Variants in STAG1 observed in about 807,000 individuals in gnomAD.
STAG1 encodes STAG1 cohesin complex component, also known as cohesin subunit SA-1.
A neutral mutation model predicts 170.9 loss-of-function variants in STAG1; 26 were observed. That is an observed-to-expected ratio of 0.15 (90% CI 0.11 to 0.21). The LOEUF is 0.21. Among genes scored for constraint, STAG1 ranks in the 10% least tolerant of loss-of-function variants. STAG1 has a pLI of 1.00. For missense variants in STAG1, 964 were observed against 1,509.5 expected (o/e 0.64, Z 5.99); for synonymous variants, 514 against 497.7 (o/e 1.03, Z -0.44).
chr3:136,527,205 T>C (rs901459441), intron 6 of STAG1, among the ~76,000 whole-genome samples: 2 of 152,228 alleles, frequency 1.3e-5, no homozygotes, highest in African/African-American at 4.8e-5. Flanking sequence ...CTTGTTTCCA[T>C]TCTCCCTGTC....
chr3:136,391,813 T>C (rs1468331708), intron 22 of STAG1, among the ~76,000 whole-genome samples: 1 of 152,242 alleles, frequency 6.6e-6, no homozygotes, highest in East Asian at 1.9e-4. Context: ...TAGGGGGCAC[T>C]GGAGCAAAGT....
intron 5 of STAG1, among the ~76,000 whole-genome samples, chr3:136,543,452 A>G (rs1041381745): frequency 4.6e-5 from 7 of 152,170 alleles, no homozygotes; most frequent in African/African-American, 1.7e-4. Context: ...AAGACGGAAT[A>G]TAAGGCTGGA....
At chr3:136,681,558 C>T (rs1475850049) in intron 1 of STAG1, among the ~76,000 whole-genome samples, 1 of 152,104 alleles carries the variant, frequency 6.6e-6, no homozygotes, top group Non-Finnish European at 1.5e-5. Context: ...ATAAAATGAA[C>T]ACAGCCACTG....
chr3:136,739,881 T>G (rs984938804), intron 1 of STAG1, among the ~76,000 whole-genome samples: 1 of 151,954 alleles, frequency 6.6e-6, no homozygotes, highest in Non-Finnish European at 1.5e-5. Context: ...ACATATATAT[T>G]ACACAGGATA....
chr3:136,473,076 A>T (rs2089665410), intron 11 of STAG1, among the ~76,000 whole-genome samples: 2 of 152,270 alleles, frequency 1.3e-5, no homozygotes, highest in South Asian at 2.1e-4. Flanking sequence ...GATTCTCAAT[A>T]GGAACAACAG....
chr3:136,604,473 A>G lies in STAG1; in HGVS notation c.133T>C (p.Ser45Pro). 1 of 1,590,298 alleles carries G rather than the reference A, an allele frequency of 6.3e-7. No homozygotes were observed. The change falls in exon 4 of 34, where the codon TCT becomes CCT. Residue 45 changes from serine to proline, a missense_variant and splice_region_variant. Ser to Pro is a moderately conservative substitution (Grantham distance 74, BLOSUM62 -1). This residue lies in a region of STAG1 where 108 missense variants were observed against 120.2 expected (regional missense o/e 0.90). Transcript: ENST00000383202. Reference protein sequence around the residue: ...RKRGRPGRPPSTNKKPRKSPG... With the variant: ...RKRGRPGRPPPTNKKPRKSPG... ...GATTTTCGAGGTTTCTTATTTGTAG[A>G]CTGAAAAAAAGATAAAAAAAGATTC... is the stretch of plus-strand genomic sequence containing the variant.
intron 6 of STAG1, among the ~76,000 whole-genome samples, chr3:136,531,246 A>C (rs1371707988): frequency 6.7e-6 from 1 of 150,076 alleles, no homozygotes; most frequent in Non-Finnish European, 1.5e-5. Context: ...CAATCATTAA[A>C]AAGTCAGGAA....
chr3:136,506,658 A>AG (rs1042072682), intron 7 of STAG1, among the ~76,000 whole-genome samples: 1 of 151,600 alleles, frequency 6.6e-6, no homozygotes, highest in African/African-American at 2.4e-5. Context: ...AAAAAAAAAA[A>AG]AAAAGAAAAG....
At chr3:136,701,231 G>A (rs1469707093) in intron 1 of STAG1, among the ~76,000 whole-genome samples, 1 of 151,976 alleles carries the variant, frequency 6.6e-6, no homozygotes, top group Non-Finnish European at 1.5e-5. Flanking sequence ...TTGATTTAGT[G>A]CATCTTCAGA....
intron 1 of STAG1, among the ~76,000 whole-genome samples, chr3:136,636,243 T>C (rs1161342470): frequency 2.0e-5 from 3 of 150,988 alleles, no homozygotes; most frequent in South Asian, 2.1e-4. Flanking sequence ...AAAGAAACTC[T>C]GTCTCAAAAA....
At chr3:136,511,384 A>G (rs1009953537) in intron 7 of STAG1, among the ~76,000 whole-genome samples, 1 of 152,240 alleles carries the variant, frequency 6.6e-6, no homozygotes, top group East Asian at 1.9e-4. Context: ...TGGTAAAGAC[A>G]TGGAATCAAC....
At chr3:136,472,514 A>G in intron 11 of STAG1, 22 bp from the exon 12 acceptor site, 1 of 1,560,274 alleles carries the variant, frequency 6.4e-7, no homozygotes, top group Non-Finnish European at 8.8e-7. Flanking sequence ...AAGTTGTAAA[A>G]CAAACCAACT....
chr3:136,591,290 G>A (rs1459798264), intron 4 of STAG1, among the ~76,000 whole-genome samples: 1 of 148,950 alleles, frequency 6.7e-6, no homozygotes, highest in East Asian at 1.9e-4. Flanking sequence ...AAGGCGGGAA[G>A]GTGGGAAGGC....
At chr3:136,713,304 C>G (rs2107920853) in intron 1 of STAG1, among the ~76,000 whole-genome samples, 1 of 152,106 alleles carries the variant, frequency 6.6e-6, no homozygotes, top group South Asian at 2.1e-4. Flanking sequence ...AGTGTGCAGC[C>G]AAGCATGGTG....
At chr3:136,583,153 T>C (rs1245037443) in intron 4 of STAG1, among the ~76,000 whole-genome samples, 6 of 152,194 alleles carry the variant, frequency 3.9e-5, no homozygotes, top group African/African-American at 1.4e-4. Context: ...ATTCATTTAA[T>C]ACACAATTTA....
chr3:136,723,407 G>A (rs1341154275), intron 1 of STAG1, among the ~76,000 whole-genome samples: 9 of 148,318 alleles, frequency 6.1e-5, no homozygotes, highest in Non-Finnish European at 1.2e-4. Context: ...GGTGAGGAGC[G>A]TCTCTGCCCA....
At chr3:136,657,017 AAAAG>A (rs1476123543) in intron 1 of STAG1, among the ~76,000 whole-genome samples, 1 of 151,920 alleles carries the variant, frequency 6.6e-6, no homozygotes, top group African/African-American at 2.4e-5. Flanking sequence ...AGCCAAAAAA[AAAAG>A]AAACAATGTC....
chr3:136,503,410 T>C (rs1343179011), intron 7 of STAG1, among the ~76,000 whole-genome samples: 1 of 152,230 alleles, frequency 6.6e-6, no homozygotes, highest in East Asian at 1.9e-4. Flanking sequence ...CGTTCACTTG[T>C]ATTTGTAAAT....
Position 136,501,244 on chromosome 3 carries a change from C to A in STAG1, c.829-948G>T, listed in dbSNP as rs893366975. 1.4e-4 allele frequency among the ~76,000 whole-genome samples: 22 copies of A among 152,070 alleles called. 1 individual carries two copies. Among genetic ancestry groups the A allele is most frequent in the Non-Finnish European group, 1.5e-5 (1 of 68,018 alleles). On this transcript the variant is annotated intron_variant, in intron 8 of 33. Coordinates refer to ENST00000383202, the MANE Select transcript of STAG1 (RefSeq NM_005862.3). ...TGAGTCAGCAGTACTTACGAAAGCC[C>A]AGCTCTAGTATTTACTTCTATAATA...
Sources: gnomAD v4.1 joint callset for allele counts (sites outside exome capture counted in the v4.1 genomes callset) on GRCh38, gnomAD v4.1.1 for gene constraint, gnomAD v4.1.1 regional missense constraint, MANE v1.5 for transcripts, NCBI Gene and HGNC (gene_info 2026-07-23, HGNC 2026-07-21) for gene names.